Variants in JCAD observed in about 807,000 individuals in gnomAD.
The protein encoded by JCAD is junctional cadherin 5-associated protein.
JCAD carries 40 observed loss-of-function variants against 98.0 expected under a neutral mutation model. That is an observed-to-expected ratio of 0.41 (90% CI 0.32 to 0.53). The LOEUF (loss-of-function observed/expected upper bound fraction) is 0.53, where lower values mean the gene tolerates loss of function less well. JCAD is among the 20% of genes least tolerant of loss of function. JCAD has a pLI of 0.31. For missense variants in JCAD, 1,705 were observed against 1,738.1 expected (o/e 0.98, Z 0.34); for synonymous variants, 691 against 682.3 (o/e 1.01, Z -0.20).
At position 30,036,435 on chromosome 10, in the gene JCAD, A is replaced by C. The variant is rs372551068; in HGVS notation, c.282-6569T>G. Among the ~76,000 whole-genome samples, 4 of 150,804 alleles carry C rather than the reference A, an allele frequency of 2.7e-5. No individual in the cohort carries two copies. In the East Asian group the frequency reaches 7.8e-4, roughly 29 times the overall value. ...CTGCACTCCAGCCTGGGCAGTACAG[A>C]GCAGGACTCCGTCTCAAAAAAAAAA... On this transcript the variant is annotated intron_variant, in intron 2 of 3. Coordinates refer to ENST00000375377, the MANE Select transcript of JCAD (RefSeq NM_020848.4).
intron 2 of JCAD, among the ~76,000 whole-genome samples, chr10:30,043,862 C>A (rs968031821): frequency 2.0e-5 from 3 of 152,258 alleles, no homozygotes; most frequent in Non-Finnish European, 4.4e-5. Flanking sequence ...CATTGCTGCA[C>A]TGAGCAGCCA....
intron 2 of JCAD, among the ~76,000 whole-genome samples, chr10:30,044,520 T>A (rs1187541622): frequency 6.6e-6 from 1 of 152,060 alleles, no homozygotes; most frequent in African/African-American, 2.4e-5. Flanking sequence ...GGGCCCCAGG[T>A]ACCCCCTAGA....
chr10:30,114,707 C>A (rs1301180664), intron 1 of JCAD, among the ~76,000 whole-genome samples: 2 of 151,148 alleles, frequency 1.3e-5, no homozygotes, highest in Non-Finnish European at 2.9e-5. Flanking sequence ...AAAATGTTAA[C>A]ACATTTTGCG....
At chr10:30,091,322 G>T (rs1006626143) in intron 1 of JCAD, among the ~76,000 whole-genome samples, 2 of 152,188 alleles carry the variant, frequency 1.3e-5, no homozygotes, top group South Asian at 4.1e-4. Context: ...CATGCAAACT[G>T]GCGTCAGATT....
chr10:30,025,711 G>A lies in JCAD; in HGVS notation c.4045+392C>T, dbSNP rs553199717. 5.1e-4 allele frequency among the ~76,000 whole-genome samples: 77 copies of A among 151,912 alleles called. 1 individual carries two copies. The highest frequency in any genetic ancestry group is 6.3e-4 in the Non-Finnish European group (43 of 67,912). On this transcript the variant is annotated intron_variant, in intron 3 of 3. Coordinates refer to ENST00000375377, the MANE Select transcript of JCAD (RefSeq NM_020848.4). ...GAGACCAGCCTGAGTAACATAGTGG[G>A]ATCTCGTCTCTATAAAAAAATTAAA...
rs532468772 is a variant in JCAD at position 30,096,586 on chromosome 10, T to C, written n.128+18781A>G. On this transcript the variant is annotated intron_variant and non_coding_transcript_variant, in intron 1 of 2. Coordinates refer to the JCAD transcript ENST00000465712. ...TATTTGCTATTCTGAGTTCAGAACA[T>C]AGGATAACTAGCTCATCAGTTCAAT... 7.9e-5 allele frequency among the ~76,000 whole-genome samples: 12 copies of C among 152,056 alleles called. No individual in the cohort carries two copies. The South Asian group carries it at 2.3e-3, about 29-fold the overall frequency.
upstream of JCAD, among the ~76,000 whole-genome samples, chr10:30,061,512 A>G (rs567348410): frequency 5.3e-5 from 8 of 151,612 alleles, no homozygotes; most frequent in Non-Finnish European, 1.0e-4. Flanking sequence ...ACTGCACTCC[A>G]GCCTGGGCAA....
rs1836504594 is a variant in JCAD, at chr10:30,014,938, A to G, written c.*2945T>C. ...AGAAGAAATCCAAGCAGTTATGCAC[A>G]TGGACATAATCCTGAAAACCCAGTC... On this transcript the variant is annotated 3_prime_UTR_variant, in exon 4 of 4. Transcript: ENST00000375377. The G allele has an allele frequency of 2.0e-5, 3 of 152,234 alleles. No homozygotes were observed. The highest frequency in any genetic ancestry group is 4.4e-5 in the Non-Finnish European group (3 of 68,032). 9.4% of individuals were successfully genotyped at this position (152,234 alleles called of 1,614,324 possible).
At chr10:30,099,374 C>T (rs1157523990) in intron 1 of JCAD, among the ~76,000 whole-genome samples, 5 of 152,144 alleles carry the variant, frequency 3.3e-5, no homozygotes, top group Non-Finnish European at 7.4e-5. Flanking sequence ...CATTATGCCT[C>T]AGACTTTGTT....
chr10:30,068,854 A>T (rs547735034), intron 2 of JCAD, among the ~76,000 whole-genome samples: 5 of 152,248 alleles, frequency 3.3e-5, no homozygotes, highest in African/African-American at 1.2e-4. Flanking sequence ...CAACTGGCCA[A>T]TCCTAGGCTC....
chr10:30,064,027 G>A (rs939168229), upstream of JCAD, among the ~76,000 whole-genome samples: 2 of 152,044 alleles, frequency 1.3e-5, no homozygotes. Context: ...GGCTGGTCTC[G>A]AACTCCTGAC....
intron 2 of JCAD, among the ~76,000 whole-genome samples, chr10:30,039,417 G>A (rs1006817852): frequency 1.3e-5 from 2 of 152,218 alleles, no homozygotes; most frequent in African/African-American, 4.8e-5. Context: ...GACCGGCCTC[G>A]GCTTCTGATG....
chr10:30,071,987 TATA>T (rs1220358358), intron 1 of JCAD, among the ~76,000 whole-genome samples: 1 of 152,226 alleles, frequency 6.6e-6, no homozygotes, highest in Non-Finnish European at 1.5e-5. Flanking sequence ...CACCTGAGAT[TATA>T]ATATTAACCT....
At chr10:30,111,031 A>G (rs1838690611) in intron 1 of JCAD, among the ~76,000 whole-genome samples, 2 of 151,878 alleles carry the variant, frequency 1.3e-5, no homozygotes, top group Non-Finnish European at 2.9e-5. Context: ...CAGCTGATGT[A>G]TAGACCCCTG....
intron 1 of JCAD, among the ~76,000 whole-genome samples, chr10:30,071,101 C>T (rs574230826): frequency 2.0e-5 from 3 of 152,248 alleles, no homozygotes; most frequent in Admixed American, 2.0e-4. Context: ...GATGGGGTTT[C>T]ACCATATTGG....
chr10:30,057,657 G>A (rs145576384), intron 1 of JCAD, among the ~76,000 whole-genome samples: 73 of 152,238 alleles, frequency 4.8e-4, no homozygotes, highest in African/African-American at 1.7e-3. Context: ...TGCAGCAAAG[G>A]GTGAAGTTTT....
At chr10:30,033,470 T>C (rs572709314) in intron 2 of JCAD, among the ~76,000 whole-genome samples, 36 of 152,192 alleles carry the variant, frequency 2.4e-4, no homozygotes, top group Non-Finnish European at 3.5e-4. Flanking sequence ...AGATAAACTA[T>C]CCAATTTATA....
intron 1 of JCAD, among the ~76,000 whole-genome samples, chr10:30,070,683 C>T (rs1837869393): frequency 6.6e-6 from 1 of 152,130 alleles, no homozygotes; most frequent in Admixed American, 6.6e-5. Flanking sequence ...TTTTTCCCTC[C>T]AGCTACAGCA....
chr10:30,112,621 T>C (rs1175425314), intron 1 of JCAD, among the ~76,000 whole-genome samples: 1 of 151,856 alleles, frequency 6.6e-6, no homozygotes, highest in Non-Finnish European at 1.5e-5. Context: ...CCTGTAATCC[T>C]AGCACTTTTG....
Sources: allele counts gnomAD v4.1 joint callset (sites outside exome capture counted in the v4.1 genomes callset), GRCh38; gene constraint gnomAD v4.1.1; transcripts MANE v1.5; gene names NCBI Gene and HGNC (gene_info 2026-07-23, HGNC 2026-07-21).